Variants in KIAA1549L observed in about 807,000 individuals in gnomAD.
KIAA1549L encodes the protein UPF0606 protein KIAA1549L.
A neutral mutation model predicts 160.7 loss-of-function variants in KIAA1549L; 88 were observed. That is an observed-to-expected ratio of 0.55 (90% CI 0.46 to 0.65). The LOEUF is 0.65. KIAA1549L is among the 30% of genes least tolerant of loss of function. The probability of loss-of-function intolerance (pLI) is 0.00; values close to 1 mark genes in which losing one functional copy is unlikely to be tolerated. For synonymous variants in KIAA1549L, 950 were observed against 976.7 expected, an observed-to-expected ratio of 0.97 and a Z score of 0.51; for missense variants, 2,258 against 2,437.5, an observed-to-expected ratio of 0.93 and a Z score of 1.55.
chr11:33,476,889 G>A (rs1353025673), intron 1 of KIAA1549L, among the ~76,000 whole-genome samples: 1 of 152,188 alleles, frequency 6.6e-6, no homozygotes, highest in Non-Finnish European at 1.5e-5. Flanking sequence ...AATGTCTATT[G>A]TATGTCTCTT....
chr11:33,421,522 C>T (rs1331520807), intron 1 of KIAA1549L, among the ~76,000 whole-genome samples: 1 of 152,194 alleles, frequency 6.6e-6, no homozygotes, highest in Non-Finnish European at 1.5e-5. Context: ...ACAAGATCTC[C>T]AGGTGATTTG....
rs1854438233 is a variant in KIAA1549L at position 33,550,937 on chromosome 11, C to G, written c.3502-103C>G. On this transcript the variant is annotated intron_variant, in intron 4 of 20. Coordinates refer to ENST00000658780, the MANE Select transcript of KIAA1549L (RefSeq NM_012194.3). ...ATTTGTTGAACGAGAACATTCTATTCTCCAGTCTTGTTTCTAACAGCCGTG... is the reference window on the plus strand; with the variant it reads ...ATTTGTTGAACGAGAACATTCTATTGTCCAGTCTTGTTTCTAACAGCCGTG... 4.4e-6 allele frequency: 4 copies of G among 913,082 alleles called. No homozygotes were observed. The South Asian group carries it at 5.5e-5, about 13-fold the overall frequency. 56.6% of individuals were successfully genotyped at this position (913,082 alleles called of 1,614,324 possible).
intron 17 of KIAA1549L, among the ~76,000 whole-genome samples, chr11:33,649,981 A>G (rs1851839748): frequency 6.6e-6 from 1 of 152,204 alleles, no homozygotes; most frequent in Non-Finnish European, 1.5e-5. Context: ...GAGAGATTCA[A>G]TGCCAGTTAT....
At chr11:33,456,314 A>C (rs989371130) in intron 1 of KIAA1549L, among the ~76,000 whole-genome samples, 1 of 152,206 alleles carries the variant, frequency 6.6e-6, no homozygotes, top group African/African-American at 2.4e-5. Flanking sequence ...TTAGCTGCCA[A>C]GGTAATTTAT....
intron 16 of KIAA1549L, 136 bp downstream of exon 16, chr11:33,618,798 T>C: frequency 1.1e-6 from 1 of 883,442 alleles, no homozygotes; most frequent in Non-Finnish European, 1.6e-6. Flanking sequence ...TCTATTTTTT[T>C]ATTACCTATT....
intron 1 of KIAA1549L, among the ~76,000 whole-genome samples, chr11:33,418,724 T>G (rs2134099010): frequency 1.3e-5 from 2 of 152,264 alleles, no homozygotes; most frequent in South Asian, 4.2e-4. Context: ...CCCACTTGGA[T>G]GGCAGCTGAG....
chr11:33,391,347 A>C (rs891076082), intron 1 of KIAA1549L, among the ~76,000 whole-genome samples: 1 of 152,022 alleles, frequency 6.6e-6, no homozygotes, highest in East Asian at 1.9e-4. Flanking sequence ...CTTTGCTGTC[A>C]TCATGTCATC....
In KIAA1549L at chr11:33,672,173, TTTC is replaced by T. The variant is rs1372424029; in HGVS notation, c.*4024_*4026del. 1 of 152,310 alleles carries T rather than the reference TTTC, an allele frequency of 6.6e-6. No homozygotes were observed. The highest frequency in any genetic ancestry group is 2.4e-5 in the African/African-American group (1 of 41,460). 9.4% of individuals were successfully genotyped at this position (152,310 alleles called of 1,614,324 possible). On this transcript the variant is annotated 3_prime_UTR_variant, in exon 21 of 21. Coordinates refer to ENST00000658780, the MANE Select transcript of KIAA1549L (RefSeq NM_012194.3). ...TCTCACATTCTCTGTCCTCATGGAC[TTTC>T]TTCTCTGTTTCCCTCTGCCTATCTA...
intron 20 of KIAA1549L, among the ~76,000 whole-genome samples, chr11:33,664,341 C>G (rs994684190): frequency 7.6e-5 from 1 of 13,150 alleles, no homozygotes; most frequent in African/African-American, 3.5e-4. Context: ...TGACACCCAT[C>G]CGTGGCTCCC....
intron 10 of KIAA1549L, among the ~76,000 whole-genome samples, chr11:33,578,028 C>T (rs1855512992): frequency 6.6e-6 from 1 of 152,168 alleles, no homozygotes; most frequent in African/African-American, 2.4e-5. Context: ...AGACTCGCTT[C>T]CTTCACTCCT....
intron 15 of KIAA1549L, among the ~76,000 whole-genome samples, chr11:33,611,442 A>G (rs1260615116): frequency 6.6e-6 from 1 of 151,834 alleles, no homozygotes; most frequent in Non-Finnish European, 1.5e-5. Flanking sequence ...AACATAATTT[A>G]TTTTCAATAA....
At chr11:33,565,529 G>A (rs1052160952) in intron 8 of KIAA1549L, among the ~76,000 whole-genome samples, 3 of 152,174 alleles carry the variant, frequency 2.0e-5, no homozygotes, top group African/African-American at 7.2e-5. Context: ...TACTCAGGAA[G>A]GGGAAGCCAG....
At chr11:33,390,961 T>G (rs1850261439) in intron 1 of KIAA1549L, among the ~76,000 whole-genome samples, 1 of 152,166 alleles carries the variant, frequency 6.6e-6, no homozygotes, top group Non-Finnish European at 1.5e-5. Context: ...AAGGGAAGCT[T>G]CCACAGTAGG....
chr11:33,466,853 CA>C (rs1291100023), intron 1 of KIAA1549L, among the ~76,000 whole-genome samples: 3 of 149,772 alleles, frequency 2.0e-5, no homozygotes, highest in African/African-American at 7.4e-5. Context: ...TCATTCTCAG[CA>C]AAATATCACA....
Position 33,583,324 on chromosome 11 carries a change from G to T in KIAA1549L, c.4403-14G>T. 6.3e-7 allele frequency: 1 copy of T among 1,593,708 alleles called. No individual in the cohort carries two copies. Among genetic ancestry groups the T allele is most frequent in the Non-Finnish European group, 8.5e-7 (1 of 1,169,964 alleles). On this transcript the variant is annotated splice_polypyrimidine_tract_variant and intron_variant, in intron 10 of 20. Transcript: ENST00000658780. Reference sequence around the variant, plus strand: ...GTTGCTTGTCATGTCCCTCCTGCTGGCTCTTTCCCACAGCCGTGGTGAAGA... The same window carrying T: ...GTTGCTTGTCATGTCCCTCCTGCTGTCTCTTTCCCACAGCCGTGGTGAAGA...
rs1852289289 is a variant in KIAA1549L, at chr11:33,476,505, T to G, written c.239-65297T>G. Among the ~76,000 whole-genome samples, 5 of 152,238 alleles carry G rather than the reference T, an allele frequency of 3.3e-5. No homozygotes were observed. In the South Asian group the frequency reaches 1.0e-3, roughly 32 times the overall value. ...ACAAAGGTCAGATAGTGTCACCATT[T>G]TGCTTAAAACTCTTCAAAGGATTCC... On this transcript the variant is annotated intron_variant, in intron 1 of 20. Transcript: ENST00000658780.
intron 5 of KIAA1549L, among the ~76,000 whole-genome samples, chr11:33,551,736 G>A (rs936422807): frequency 2.0e-5 from 3 of 152,082 alleles, no homozygotes; most frequent in Non-Finnish European, 4.4e-5. Context: ...TCTTAAAATC[G>A]AAACACTCAA....
chr11:33,488,316 C>T (rs565243928), intron 1 of KIAA1549L, among the ~76,000 whole-genome samples: 1 of 152,232 alleles, frequency 6.6e-6, no homozygotes, highest in African/African-American at 2.4e-5. Flanking sequence ...CAAGTGCGCT[C>T]CTCCTCAATT....
intron 1 of KIAA1549L, among the ~76,000 whole-genome samples, chr11:33,451,715 A>G (rs562511071): frequency 6.6e-6 from 1 of 152,374 alleles, no homozygotes; most frequent in East Asian, 1.9e-4. Context: ...AAGCAGACTG[A>G]GCTTCTCTCC....
Sources: allele counts gnomAD v4.1 joint callset (sites outside exome capture counted in the v4.1 genomes callset), GRCh38; gene constraint gnomAD v4.1.1; transcripts MANE v1.5; gene names NCBI Gene and HGNC (gene_info 2026-07-23, HGNC 2026-07-21).